COL25A1: variants seen among roughly 807,000 people sequenced by gnomAD.
COL25A1 encodes the protein collagen alpha-1(XXV) chain.
Under a neutral mutation model 128.4 loss-of-function variants are expected in COL25A1, and 103 were observed. That is an observed-to-expected ratio of 0.80 (90% CI 0.68 to 0.94). The LOEUF (loss-of-function observed/expected upper bound fraction) is 0.94. Ranked by LOEUF, COL25A1 falls within the 40% of genes least tolerant of loss-of-function variation. COL25A1 has a pLI of 0.00. For synonymous variants in COL25A1, 279 were observed against 277.2 expected (o/e 1.01, Z -0.06); for missense variants, 745 against 840.0 (o/e 0.89, Z 1.40).
chr4:109,222,398 C>T (rs1044168836), intron 3 of COL25A1, among the ~76,000 whole-genome samples: 1 of 152,062 alleles, frequency 6.6e-6, no homozygotes, highest in Non-Finnish European at 1.5e-5. Flanking sequence ...TAACACTTAA[C>T]ATTTGAACAA....
intron 3 of COL25A1, among the ~76,000 whole-genome samples, chr4:109,196,494 G>A (rs1776058788): frequency 6.6e-6 from 1 of 152,068 alleles, no homozygotes; most frequent in African/African-American, 2.4e-5. Flanking sequence ...CTCTAATATA[G>A]CTGTATGCAC....
chr4:109,081,705 C>A (rs945808125), intron 3 of COL25A1, among the ~76,000 whole-genome samples: 6 of 151,588 alleles, frequency 4.0e-5, no homozygotes, highest in Non-Finnish European at 5.9e-5. Flanking sequence ...TTTGTTTTTT[C>A]TTTTATTTTT....
chr4:109,281,409 C>CAA (rs59962160), intron 3 of COL25A1, among the ~76,000 whole-genome samples: 1,094 of 102,250 alleles, frequency 0.011, 9 homozygotes, highest in African/African-American at 0.033. Flanking sequence ...CTTAAAATGG[C>CAA]AAAAAAAAAA....
In COL25A1 at chr4:108,859,725, A is replaced by G; in HGVS notation, c.1251T>C (p.Pro417=). 6.2e-7 allele frequency: 1 copy of G among 1,613,744 alleles called. No homozygotes were observed. The highest frequency in any genetic ancestry group is 8.5e-7 in the Non-Finnish European group (1 of 1,179,812). Residue 417 remains proline (P), a synonymous_variant, in exon 24 of 38, where the codon CCT becomes CCC. Transcript: ENST00000399132. The part of the protein sequence containing the change: ...DSGAQGPRGP[P]GQKGDQGATE... The stretch of plus-strand genomic sequence containing the variant: ...TGGCTCCTTGATCCCCTTTTTGACC[A>G]GGTGGACCCTATGACAAAACCAATC...
chr4:108,956,340 G>A (rs558721443), intron 8 of COL25A1, among the ~76,000 whole-genome samples: 19 of 152,268 alleles, frequency 1.2e-4, no homozygotes, highest in Non-Finnish European at 2.4e-4. Context: ...AATCTACACA[G>A]ATAATAATAC....
At chr4:109,078,048 A>G (rs913004464) in intron 3 of COL25A1, among the ~76,000 whole-genome samples, 2 of 152,184 alleles carry the variant, frequency 1.3e-5, no homozygotes, top group African/African-American at 4.8e-5. Flanking sequence ...AATGTCACCC[A>G]TTATCCGGGT....
chr4:109,144,929 C>T (rs972940454), intron 3 of COL25A1, among the ~76,000 whole-genome samples: 3 of 152,274 alleles, frequency 2.0e-5, no homozygotes, highest in African/African-American at 7.2e-5. Context: ...TCATAAAATC[C>T]TTTAGCCAAG....
chr4:108,920,613 G>A lies in COL25A1; in HGVS notation c.709-9C>T, dbSNP rs765026773. ...GGAGGCCCTAGAGGACCCTAAAAAA[G>A]AAAAACGATTCAATTAACATACTAT... On this transcript the variant is annotated splice_polypyrimidine_tract_variant and intron_variant, in intron 11 of 37. Coordinates refer to ENST00000399132, the MANE Select transcript of COL25A1 (RefSeq NM_198721.4). The A allele has an allele frequency of 1.9e-6, 3 of 1,598,448 alleles. No homozygotes were observed. The highest frequency in any genetic ancestry group is 2.6e-6 in the Non-Finnish European group (3 of 1,169,762).
chr4:109,169,945 TATTC>T (rs1159630430), intron 3 of COL25A1, among the ~76,000 whole-genome samples: 1 of 152,124 alleles, frequency 6.6e-6, no homozygotes, highest in Non-Finnish European at 1.5e-5. Flanking sequence ...TTAGTTCATA[TATTC>T]ATTTATGTGA....
chr4:109,057,142 G>A (rs184564685), intron 3 of COL25A1, among the ~76,000 whole-genome samples: 26 of 152,278 alleles, frequency 1.7e-4, no homozygotes, highest in African/African-American at 4.8e-4. Flanking sequence ...TTAAAGGTGT[G>A]AGCCATCGTC....
chr4:108,969,431 T>A (rs573330193), intron 8 of COL25A1, among the ~76,000 whole-genome samples: 34 of 152,350 alleles, frequency 2.2e-4, no homozygotes, highest in African/African-American at 7.9e-4. Context: ...ATTCACAGAC[T>A]TAGTAACATC....
rs1454955679 is a variant in COL25A1, at chr4:108,846,130, T to A, written c.1515+9A>T. 7.6e-6 allele frequency: 12 copies of A among 1,569,266 alleles called. No individual in the cohort carries two copies. The highest frequency in any genetic ancestry group is 1.1e-5 in the Non-Finnish European group (12 of 1,139,262). On this transcript the variant is annotated intron_variant, in intron 28 of 37. Transcript: ENST00000399132. The stretch of plus-strand genomic sequence containing the variant: ...AAAAAGTATAAACAAACAGAAAGTA[T>A]AAACATACCGGTAATCCAGGAAGTC...
chr4:108,811,794 T>A lies in COL25A1; in HGVS notation c.*2133A>T, dbSNP rs1232189294. The A allele has an allele frequency of 6.6e-6, 1 of 152,166 alleles. No individual in the cohort carries two copies. The highest frequency in any genetic ancestry group is 1.5e-5 in the Non-Finnish European group (1 of 68,000). 9.4% of individuals were successfully genotyped at this position (152,166 alleles called of 1,614,324 possible). On this transcript the variant is annotated 3_prime_UTR_variant, in exon 38 of 38. Coordinates refer to ENST00000399132, the MANE Select transcript of COL25A1 (RefSeq NM_198721.4). ...CCAGAAATGTTACCAATTAGACTGA[T>A]CTAATAGTTTAAACATCTTTCAACC...
chr4:109,272,843 G>C (rs1024172821), intron 3 of COL25A1, among the ~76,000 whole-genome samples: 1 of 152,086 alleles, frequency 6.6e-6, no homozygotes, highest in Non-Finnish European at 1.5e-5. Context: ...TTCCAGGCAG[G>C]GGAGACAAAG....
Position 109,199,163 on chromosome 4 carries a change from A to C in COL25A1, c.367+101420T>G, listed in dbSNP as rs2126178142. ...TGCAAAGGATCTTTAGTCAACTCAA[A>C]GAAAAATGTTTTATAATTTTACTTA... is the stretch of plus-strand genomic sequence containing the variant. On this transcript the variant is annotated intron_variant, in intron 3 of 37. Transcript: ENST00000399132. Among the ~76,000 whole-genome samples, 3 of 152,324 alleles carry C rather than the reference A, an allele frequency of 2.0e-5. No homozygotes were observed. The South Asian group carries it at 6.2e-4, about 32-fold the overall frequency.
intron 13 of COL25A1, among the ~76,000 whole-genome samples, chr4:108,903,177 T>C (rs1208278205): frequency 6.6e-6 from 1 of 151,986 alleles, no homozygotes; most frequent in African/African-American, 2.4e-5. Context: ...ATATGAACAT[T>C]GAGGGATGAA....
chr4:109,083,532 G>T (rs370160911), intron 3 of COL25A1, among the ~76,000 whole-genome samples: 71 of 125,772 alleles, frequency 5.6e-4, no homozygotes, highest in African/African-American at 2.1e-3. Flanking sequence ...GCGCGATCTC[G>T]ACTCACTGCA....
intron 3 of COL25A1, among the ~76,000 whole-genome samples, chr4:109,060,733 T>C (rs1471360310): frequency 2.0e-5 from 3 of 151,870 alleles, no homozygotes; most frequent in Admixed American, 6.6e-5. Context: ...CAAAATGAGT[T>C]CATGGCTTTC....
chr4:109,195,502 T>C (rs1297732887), intron 3 of COL25A1, among the ~76,000 whole-genome samples: 1 of 152,162 alleles, frequency 6.6e-6, no homozygotes, highest in East Asian at 1.9e-4. Flanking sequence ...AGGATGTGCC[T>C]GGACATATAA....
Sources: gnomAD v4.1 joint callset for allele counts (sites outside exome capture counted in the v4.1 genomes callset) on GRCh38, gnomAD v4.1.1 for gene constraint, MANE v1.5 for transcripts, NCBI Gene and HGNC (gene_info 2026-07-23, HGNC 2026-07-21) for gene names.